The following WWP1 variants were observed in gnomAD, a reference collection of about 807,000 sequenced individuals.
WWP1 encodes the protein WW domain containing E3 ubiquitin protein ligase 1.
In WWP1, 49 loss-of-function variants were observed where a neutral mutation model predicts 130.6. The observed-to-expected ratio is 0.38, with a 90% CI of 0.30 to 0.48. WWP1 has a LOEUF of 0.48. Ranked by LOEUF, WWP1 falls within the 20% of genes least tolerant of loss-of-function variation. WWP1 has a pLI of 0.99. For missense variants in WWP1, 809 were observed against 1,100.6 expected (o/e 0.74, Z 3.75); for synonymous variants, 332 against 367.8 (o/e 0.90, Z 1.11).
chr8:86,354,038 C>T (rs1322888291), intron 1 of WWP1, among the ~76,000 whole-genome samples: 3 of 152,250 alleles, frequency 2.0e-5, no homozygotes, highest in East Asian at 1.9e-4. Flanking sequence ...ATTTAGAGCT[C>T]GGGCCTTAAA....
intron 16 of WWP1, among the ~76,000 whole-genome samples, chr8:86,436,428 T>A (rs1041800007): frequency 6.6e-6 from 1 of 152,218 alleles, no homozygotes; most frequent in Non-Finnish European, 1.5e-5. Context: ...TATTTTAAGA[T>A]GGCAGTCCTT....
intron 9 of WWP1, among the ~76,000 whole-genome samples, chr8:86,424,541 G>A (rs1325306536): frequency 6.6e-6 from 1 of 151,352 alleles, no homozygotes; most frequent in Non-Finnish European, 1.5e-5. Flanking sequence ...ACGAGACTCC[G>A]TCTGCAATCC....
intron 1 of WWP1, among the ~76,000 whole-genome samples, chr8:86,363,305 A>G (rs79600601): frequency 0.054 from 8,265 of 152,154 alleles, 383 homozygotes; most frequent in African/African-American, 0.12. Context: ...TCAGACTGTT[A>G]CCTGTTTTTA....
intron 1 of WWP1, among the ~76,000 whole-genome samples, chr8:86,363,196 G>A (rs996895102): frequency 7.9e-5 from 12 of 152,074 alleles, no homozygotes; most frequent in Non-Finnish European, 1.8e-4. Flanking sequence ...TGTGAGATGG[G>A]GACGAGGAAA....
At chr8:86,418,764 C>T (rs954356930) in intron 9 of WWP1, among the ~76,000 whole-genome samples, 15 of 152,128 alleles carry the variant, frequency 9.9e-5, no homozygotes, top group East Asian at 1.9e-4. Context: ...CCTAAATCAG[C>T]AGACGTAAGT....
At chr8:86,464,747 C>G (rs1051577447) in intron 24 of WWP1, among the ~76,000 whole-genome samples, 14 of 152,056 alleles carry the variant, frequency 9.2e-5, no homozygotes, top group African/African-American at 3.4e-4. Context: ...AAACTCTGGG[C>G]TCAAGCTGTC....
intron 3 of WWP1, among the ~76,000 whole-genome samples, chr8:86,378,535 G>A (rs1202677285): frequency 6.6e-6 from 1 of 151,878 alleles, no homozygotes; most frequent in Non-Finnish European, 1.5e-5. Context: ...AGGACATTCT[G>A]TGTATAACAC....
chr8:86,450,458 A>G (rs1811118193), intron 20 of WWP1, among the ~76,000 whole-genome samples: 1 of 152,230 alleles, frequency 6.6e-6, no homozygotes, highest in Non-Finnish European at 1.5e-5. Context: ...TGAGCCTTCC[A>G]CAAAGTCCAA....
rs557679784 is a variant in WWP1, at chr8:86,464,472, C to T, written c.2670-2322C>T. On this transcript the variant is annotated intron_variant, in intron 24 of 24. Coordinates refer to ENST00000517970, the MANE Select transcript of WWP1 (RefSeq NM_007013.4). Reference sequence around the variant, plus strand: ...TTTTAACTTCTAATCCAGTAAATATCAGTAGCTATAATTCATATAAATAAA... The same window carrying T: ...TTTTAACTTCTAATCCAGTAAATATTAGTAGCTATAATTCATATAAATAAA... 1.8e-4 allele frequency among the ~76,000 whole-genome samples: 28 copies of T among 152,184 alleles called. 1 individual carries two copies. In the South Asian group the frequency reaches 5.8e-3, roughly 32 times the overall value.
chr8:86,396,332 C>A lies in WWP1; in HGVS notation c.335-2010C>A, dbSNP rs575974453. 1.4e-4 allele frequency among the ~76,000 whole-genome samples: 22 copies of A among 152,276 alleles called. No individual in the cohort carries two copies. In the East Asian group the frequency reaches 4.1e-3, roughly 28 times the overall value. On this transcript the variant is annotated intron_variant, in intron 5 of 24. Coordinates refer to ENST00000517970, the MANE Select transcript of WWP1 (RefSeq NM_007013.4). Reference sequence around the variant, plus strand: ...GCCAGGATGGTCTTGATCTCCAGATCTTGTGATCCGCCCGCCTCGGCCTCC... The same window carrying A: ...GCCAGGATGGTCTTGATCTCCAGATATTGTGATCCGCCCGCCTCGGCCTCC...
At chr8:86,462,339 G>A (rs970723452) in intron 24 of WWP1, among the ~76,000 whole-genome samples, 5 of 152,132 alleles carry the variant, frequency 3.3e-5, no homozygotes, top group Non-Finnish European at 7.4e-5. Flanking sequence ...CAGAGAAAGA[G>A]CATTCTTTGA....
chr8:86,365,340 G>A (rs1177572650), intron 1 of WWP1, among the ~76,000 whole-genome samples: 1 of 152,194 alleles, frequency 6.6e-6, no homozygotes, highest in Non-Finnish European at 1.5e-5. Flanking sequence ...AAGATGGAGG[G>A]AAGATAGTCG....
chr8:86,420,469 A>G (rs1809139905), intron 9 of WWP1, among the ~76,000 whole-genome samples: 1 of 152,212 alleles, frequency 6.6e-6, no homozygotes, highest in South Asian at 2.1e-4. Context: ...AAGGGAAGGT[A>G]CAACATATGT....
intron 1 of WWP1, among the ~76,000 whole-genome samples, chr8:86,350,950 G>A (rs1223955419): frequency 6.6e-6 from 1 of 152,170 alleles, no homozygotes; most frequent in African/African-American, 2.4e-5. Flanking sequence ...TACCTTAGAA[G>A]TAAACAAACT....
rs1293313834 is a variant in WWP1, at chr8:86,425,327, G to A, written c.1157+9G>A. The A allele has an allele frequency of 5.0e-6, 8 of 1,594,050 alleles. No individual in the cohort carries two copies. Among genetic ancestry groups the A allele is most frequent in the Non-Finnish European group, 6.8e-6 (8 of 1,168,158 alleles). ...CAACCTTTACCTCCAGGGTAATATAGCACTCTTTATGCATTTGTAATTATA... is the reference window on the plus strand; with the variant it reads ...CAACCTTTACCTCCAGGGTAATATAACACTCTTTATGCATTTGTAATTATA... On this transcript the variant is annotated intron_variant, in intron 10 of 24. Transcript: ENST00000517970.
At chr8:86,462,167 A>G (rs1004039324) in intron 24 of WWP1, among the ~76,000 whole-genome samples, 1 of 152,194 alleles carries the variant, frequency 6.6e-6, no homozygotes, top group Non-Finnish European at 1.5e-5. Context: ...TAAACAAATA[A>G]CTATTTGCAA....
intron 7 of WWP1, among the ~76,000 whole-genome samples, chr8:86,401,678 A>G (rs966056684): frequency 3.8e-4 from 58 of 152,306 alleles, no homozygotes; most frequent in African/African-American, 1.3e-3. Context: ...TTAAATATTT[A>G]AAATGTACAA....
Position 86,342,619 on chromosome 8 carries a change from C to T in WWP1, c.-426C>T. On this transcript the variant is annotated 5_prime_UTR_variant, in exon 1 of 25. Coordinates refer to ENST00000517970, the MANE Select transcript of WWP1 (RefSeq NM_007013.4). ...CGGTGCCGGGGCCGGCGGGGAGGCG[C>T]GCGCTTAGGGCGCGGCGCCGGCGAC... 2 of 198,812 alleles carry T rather than the reference C, an allele frequency of 1.0e-5. No individual in the cohort carries two copies. Among genetic ancestry groups the T allele is most frequent in the Non-Finnish European group, 2.0e-5 (2 of 100,532 alleles). 12.3% of individuals were successfully genotyped at this position (198,812 alleles called of 1,614,324 possible).
chr8:86,385,399 A>G (rs1825222476), intron 5 of WWP1, among the ~76,000 whole-genome samples: 1 of 152,198 alleles, frequency 6.6e-6, no homozygotes, highest in African/African-American at 2.4e-5. Flanking sequence ...GAGGCAGTGA[A>G]AGAAGAGAAC....
Sources: gnomAD v4.1 joint callset for allele counts (sites outside exome capture counted in the v4.1 genomes callset) on GRCh38, gnomAD v4.1.1 for gene constraint, MANE v1.5 for transcripts, NCBI Gene and HGNC (gene_info 2026-07-23, HGNC 2026-07-21) for gene names.